Variants in DPYSL2 observed in about 807,000 individuals in gnomAD.
DPYSL2 encodes dihydropyrimidinase like 2.
DPYSL2 carries 13 observed loss-of-function variants against 69.9 expected under a neutral mutation model. The observed-to-expected ratio is 0.19, with a 90% CI of 0.12 to 0.30. DPYSL2 has a LOEUF of 0.30. Among genes scored for constraint, DPYSL2 ranks in the 10% least tolerant of loss-of-function variants. DPYSL2 has a pLI of 1.00. For synonymous variants in DPYSL2, 326 were observed against 359.1 expected (o/e 0.91, Z 1.04); for missense variants, 587 against 918.9 (o/e 0.64, Z 4.67).
Position 26,652,123 on chromosome 8 carries a change from G to A in DPYSL2, c.1597-134G>A. The A allele has an allele frequency of 1.4e-6, 1 of 731,846 alleles. No homozygotes were observed. The highest frequency in any genetic ancestry group is 2.8e-5 in the South Asian group (1 of 35,342). 45.3% of individuals were successfully genotyped at this position (731,846 alleles called of 1,614,324 possible). A position where few individuals can be genotyped will look rare whatever the true frequency, so the allele number is the denominator to read the frequency against. On this transcript the variant is annotated intron_variant, in intron 11 of 13. Coordinates refer to ENST00000521913, the MANE Select transcript of DPYSL2 (RefSeq NM_001197293.3). This position sits in a 1 kb window ranked among gnomAD's most constrained non-coding sequence, Gnocchi z 6.3. ...ACACAGCAAGTAAGTGCCTGCTGGG[G>A]TGCCCAGTTGGGACAGGATCCCTGT...
rs147287671 is a variant in DPYSL2, at chr8:26,571,253, T to G, written c.355-10716T>G. Among the ~76,000 whole-genome samples the G allele has an allele frequency of 2.1e-3, 315 of 152,272 alleles. 1 individual carries two copies. Among genetic ancestry groups the G allele is most frequent in the African/African-American group, 7.0e-3 (292 of 41,542 alleles). ...ACTAGTTTAAAAACCTTCCTGGACC[T>G]TACCTCCGGATATTCTGTTCAGGAT... On this transcript the variant is annotated intron_variant, in intron 1 of 13. Transcript: ENST00000521913. The surrounding 1 kb of genome is among the most constrained non-coding windows in gnomAD (Gnocchi z 6.1).
At chr8:26,594,951 G>A (rs1438445622) in intron 3 of DPYSL2, among the ~76,000 whole-genome samples, 4 of 152,218 alleles carry the variant, frequency 2.6e-5, no homozygotes, top group African/African-American at 9.7e-5. Flanking sequence ...GGAGATTGAG[G>A]TGGGAGGATC....
At chr8:26,541,356 G>A (rs1800682225) in intron 1 of DPYSL2, among the ~76,000 whole-genome samples, 1 of 152,178 alleles carries the variant, frequency 6.6e-6, no homozygotes, top group South Asian at 2.1e-4. Flanking sequence ...AAACAAAAAT[G>A]AGGAGTTCAT....
chr8:26,638,228 G>A (rs1481904235), intron 8 of DPYSL2, among the ~76,000 whole-genome samples: 1 of 152,222 alleles, frequency 6.6e-6, no homozygotes, highest in Non-Finnish European at 1.5e-5. Flanking sequence ...AGTCACATTG[G>A]GAGGTAGTCG....
intron 1 of DPYSL2, among the ~76,000 whole-genome samples, chr8:26,581,279 A>G (rs1801486606): frequency 6.6e-6 from 1 of 152,100 alleles, no homozygotes; most frequent in Non-Finnish European, 1.5e-5. Flanking sequence ...CAGTCTTTCC[A>G]AGACATGGCT....
In DPYSL2 at chr8:26,565,308, T is replaced by G. The variant is rs13258145; in HGVS notation, c.355-16661T>G. Reference sequence around the variant, plus strand: ...GTCCCAATCTTTAATGCAGTATGAGTGTTCTGTGGCTGCTCCCACAGAAGT... The same window carrying G: ...GTCCCAATCTTTAATGCAGTATGAGGGTTCTGTGGCTGCTCCCACAGAAGT... On this transcript the variant is annotated intron_variant, in intron 1 of 13. Transcript: ENST00000521913. This position sits in a 1 kb window ranked among gnomAD's most constrained non-coding sequence, Gnocchi z 4.1. 0.083 allele frequency among the ~76,000 whole-genome samples: 12,581 copies of G among 152,160 alleles called. 723 individuals are homozygous for G. Among genetic ancestry groups the G allele is most frequent in the Non-Finnish European group, 0.12 (8,219 of 68,006 alleles).
rs1316646898 is a variant in DPYSL2, at chr8:26,565,504, C to G, written c.355-16465C>G. Among the ~76,000 whole-genome samples, 1 of 152,056 alleles carries G rather than the reference C, an allele frequency of 6.6e-6. No homozygotes were observed. The highest frequency in any genetic ancestry group is 2.4e-5 in the African/African-American group (1 of 41,394). ...TGATGATGTGGTTAGGGGATGAGGG[C>G]TCAGATAGCCCTTGGAGTGAATGGC... is the stretch of plus-strand genomic sequence containing the variant. On this transcript the variant is annotated intron_variant, in intron 1 of 13. Transcript: ENST00000521913. The surrounding 1 kb of genome is among the most constrained non-coding windows in gnomAD (Gnocchi z 4.1).
chr8:26,552,139 A>C (rs901726552), intron 1 of DPYSL2, among the ~76,000 whole-genome samples: 3 of 152,208 alleles, frequency 2.0e-5, no homozygotes, highest in Non-Finnish European at 4.4e-5. Flanking sequence ...TGAATAGCAC[A>C]TGGGCCAAGG....
chr8:26,630,971 T>C (rs1802758375), intron 7 of DPYSL2, among the ~76,000 whole-genome samples: 1 of 152,184 alleles, frequency 6.6e-6, no homozygotes, highest in Admixed American at 6.6e-5. Flanking sequence ...TGAGAAGATG[T>C]CCTCTGAGAA....
intron 1 of DPYSL2, among the ~76,000 whole-genome samples, chr8:26,563,941 TGACAGAGAAAGAGGCTTAGGA>T (rs1426195177): frequency 6.6e-6 from 1 of 151,992 alleles, no homozygotes; most frequent in African/African-American, 2.4e-5. Flanking sequence ...GTTGAAACCA[TGACAGAGAAAGAGGCTTAGGA>T]GACAACCTAA....
intron 1 of DPYSL2, among the ~76,000 whole-genome samples, chr8:26,581,629 C>T (rs1801495082): frequency 6.6e-6 from 1 of 152,144 alleles, no homozygotes; most frequent in Non-Finnish European, 1.5e-5. Context: ...CCATCTTGGC[C>T]TCCCAAAGTG....
At chr8:26,526,498 A>T (rs2117605942) in intron 1 of DPYSL2, among the ~76,000 whole-genome samples, 1 of 152,342 alleles carries the variant, frequency 6.6e-6, no homozygotes, top group South Asian at 2.1e-4. Context: ...TGTGGCTAAT[A>T]ATAGTCTTGT....
Position 26,634,855 on chromosome 8 carries a change from A to T in DPYSL2, c.1081A>T (p.Met361Leu), listed in dbSNP as rs1451369749. 6.2e-7 allele frequency: 1 copy of T among 1,614,272 alleles called. No individual in the cohort carries two copies. Among genetic ancestry groups the T allele is most frequent in the Non-Finnish European group, 8.5e-7 (1 of 1,180,050 alleles). ...CTGCCCGCTGTATATCACCAAGGTG[A>T]TGAGCAAAAGCTCTGCTGAGGTCAT... ...TNCPLYITKV[M>L]SKSSAEVIAQ... Residue 361 changes from methionine to leucine, a missense_variant, in exon 8 of 14, where the codon ATG becomes TTG. By Grantham distance (15) the Met-to-Leu change is conservative. Coordinates refer to ENST00000521913, the MANE Select transcript of DPYSL2 (RefSeq NM_001197293.3).
In DPYSL2 at chr8:26,653,316, G is replaced by GCCT; in HGVS notation, c.1866_1868dup (p.Ser623dup). On this transcript the variant is annotated inframe_insertion, in exon 13 of 14. Coordinates refer to ENST00000521913, the MANE Select transcript of DPYSL2 (RefSeq NM_001197293.3). This position sits in a 1 kb window ranked among gnomAD's most constrained non-coding sequence, Gnocchi z 5.7. ...TGTGACGCCCAAGACAGTCACTCCA[G>GCCT]CCTCCTCGGCCAAGACGTCTCCTGC... 6.2e-7 allele frequency: 1 copy of GCCT among 1,614,144 alleles called. No homozygotes were observed.
chr8:26,629,792 A>G (rs561978282), intron 7 of DPYSL2, among the ~76,000 whole-genome samples: 2 of 152,198 alleles, frequency 1.3e-5, no homozygotes, highest in East Asian at 3.9e-4. Context: ...ACGGGGTCTC[A>G]CTATATTGCC....
At chr8:26,636,666 T>G (rs1415359468) in intron 8 of DPYSL2, among the ~76,000 whole-genome samples, 2 of 152,044 alleles carry the variant, frequency 1.3e-5, no homozygotes, top group Admixed American at 1.3e-4. Flanking sequence ...AGCTGGAGTG[T>G]GTTGTTGCGG....
At chr8:26,613,162 G>GT (rs1039811451) in intron 3 of DPYSL2, among the ~76,000 whole-genome samples, 1 of 152,246 alleles carries the variant, frequency 6.6e-6, no homozygotes, top group African/African-American at 2.4e-5. Context: ...GGTTGTGCCT[G>GT]TGTTCATCCA....
rs1309497412 is a variant in DPYSL2 at position 26,516,066 on chromosome 8, C to A, written c.354+1387C>A. On this transcript the variant is annotated intron_variant, in intron 1 of 13. Coordinates refer to ENST00000521913, the MANE Select transcript of DPYSL2 (RefSeq NM_001197293.3). The surrounding 1 kb of genome is among the most constrained non-coding windows in gnomAD (Gnocchi z 4.8). Reference sequence around the variant, plus strand: ...TTGCAGCTTTTGACTTTTGTAGGGTCAAGTCTAGGAAAAACAAGGCATTTG... The same window carrying A: ...TTGCAGCTTTTGACTTTTGTAGGGTAAAGTCTAGGAAAAACAAGGCATTTG... 1.3e-5 allele frequency among the ~76,000 whole-genome samples: 2 copies of A among 152,120 alleles called. No homozygotes were observed. The highest frequency in any genetic ancestry group is 2.9e-5 in the Non-Finnish European group (2 of 68,014).
At position 26,644,298 on chromosome 8, in the gene DPYSL2, C is replaced by A. The variant is rs949805035; in HGVS notation, c.1425+207C>A. On this transcript the variant is annotated intron_variant, in intron 10 of 13. Coordinates refer to ENST00000521913, the MANE Select transcript of DPYSL2 (RefSeq NM_001197293.3). This position sits in a 1 kb window ranked among gnomAD's most constrained non-coding sequence, Gnocchi z 4.5. ...CTTCCTAAATATTACATATATATTT[C>A]TTTTTAAAACAATTTTTAAATTTTT... Among the ~76,000 whole-genome samples, 1 of 152,118 alleles carries A rather than the reference C, an allele frequency of 6.6e-6. No homozygotes were observed.
Sources: gnomAD v4.1 joint callset for allele counts (sites outside exome capture counted in the v4.1 genomes callset) on GRCh38, gnomAD v4.1.1 for gene constraint, Gnocchi (gnomAD v3.1) non-coding constraint, MANE v1.5 for transcripts, NCBI Gene and HGNC (gene_info 2026-07-23, HGNC 2026-07-21) for gene names.